DOCK1: variants seen among roughly 807,000 people sequenced by gnomAD.
DOCK1 encodes dedicator of cytokinesis 1.
Under a neutral mutation model 262.7 loss-of-function variants are expected in DOCK1, and 138 were observed. The observed-to-expected ratio is 0.53, with a 90% CI of 0.46 to 0.61. The LOEUF (loss-of-function observed/expected upper bound fraction) is 0.61, where lower values mean the gene tolerates loss of function less well. Among genes scored for constraint, DOCK1 ranks in the 20% least tolerant of loss-of-function variants. The probability of loss-of-function intolerance (pLI) is 0.00; values close to 1 mark genes in which losing one functional copy is unlikely to be tolerated. For missense variants in DOCK1, 1,908 were observed against 2,370.7 expected, an observed-to-expected ratio of 0.80 and a Z score of 4.05; for synonymous variants, 866 against 867.4, an observed-to-expected ratio of 1.00 and a Z score of 0.03.
At chr10:127,000,751 T>C (rs34083662) in intron 10 of DOCK1, 5 of 159,126 alleles carry the variant, frequency 3.1e-5, no homozygotes, top group Admixed American at 6.5e-5. Context: ...TGGTGCTGTT[T>C]CTCCGCCATG....
intron 29 of DOCK1, chr10:127,257,803 G>C (rs1192968813): frequency 6.1e-6 from 1 of 163,702 alleles, no homozygotes; most frequent in African/African-American, 2.4e-5. Flanking sequence ...CTTTTGCAAA[G>C]TGTTGACATT....
intron 10 of DOCK1, among the ~76,000 whole-genome samples, chr10:127,006,362 C>T (rs149107561): frequency 3.2e-4 from 48 of 152,354 alleles, no homozygotes; most frequent in African/African-American, 1.0e-3. Context: ...CAGCATCACG[C>T]GGTGCCGTCT....
chr10:127,258,740 G>A (rs1414152706), intron 29 of DOCK1, among the ~76,000 whole-genome samples: 2 of 152,206 alleles, frequency 1.3e-5, no homozygotes, highest in Non-Finnish European at 2.9e-5. Flanking sequence ...ACCATTTTAC[G>A]TTCCCACCAG....
chr10:127,329,632 C>G (rs750906259), intron 29 of DOCK1, among the ~76,000 whole-genome samples: 4 of 152,052 alleles, frequency 2.6e-5, no homozygotes, highest in Non-Finnish European at 4.4e-5. Context: ...CTCGCGGCCT[C>G]CCCCAGCAGT....
intron 27 of DOCK1, among the ~76,000 whole-genome samples, chr10:127,159,560 T>C (rs1256865496): frequency 1.3e-5 from 2 of 152,180 alleles, no homozygotes; most frequent in Non-Finnish European, 2.9e-5. Flanking sequence ...TAGTGACAAT[T>C]CGGGGCATGC....
At chr10:127,239,961 T>A (rs1221057267) in intron 27 of DOCK1, among the ~76,000 whole-genome samples, 1 of 152,032 alleles carries the variant, frequency 6.6e-6, no homozygotes, top group African/African-American at 2.4e-5. Context: ...AATATGTGTT[T>A]AAATTATTAT....
intron 16 of DOCK1, among the ~76,000 whole-genome samples, chr10:127,028,653 A>G (rs926946618): frequency 1.6e-4 from 25 of 152,198 alleles, no homozygotes; most frequent in African/African-American, 6.0e-4. Flanking sequence ...TGTATACACA[A>G]CAAGCTGCTG....
Position 127,230,129 on chromosome 10 carries a change from T to G in DOCK1, c.2848-17879T>G, listed in dbSNP as rs1273994519. ...AACAGGTCATTTATTTTCTTGCTAT[T>G]AAGTTATCTGAGTTTTTTATATATT... On this transcript the variant is annotated intron_variant, in intron 27 of 51. Transcript: ENST00000623213. Among the ~76,000 whole-genome samples, 4 of 152,312 alleles carry G rather than the reference T, an allele frequency of 2.6e-5. No individual in the cohort carries two copies. In the East Asian group the frequency reaches 7.7e-4, roughly 29 times the overall value.
At position 127,369,549 on chromosome 10, in the gene DOCK1, C is replaced by T. The variant is rs181459316; in HGVS notation, c.3433-4232C>T. ...ATGTTCCCAGAGTCCTCTGGAATTG[C>T]ATGCAGCCCTAAAGTCACTCTTTAA... On this transcript the variant is annotated intron_variant, in intron 33 of 51. Transcript: ENST00000623213. Among the ~76,000 whole-genome samples, 24 of 152,332 alleles carry T rather than the reference C, an allele frequency of 1.6e-4. 1 individual carries two copies. Among genetic ancestry groups the T allele is most frequent in the Non-Finnish European group, 2.6e-4 (18 of 68,030 alleles).
chr10:127,070,882 C>T (rs1165765485), intron 23 of DOCK1, among the ~76,000 whole-genome samples: 3 of 152,100 alleles, frequency 2.0e-5, no homozygotes, highest in African/African-American at 7.2e-5. Context: ...GGCCACGCCT[C>T]GCCTTGCACA....
At chr10:127,078,917 C>T (rs558034656) in intron 23 of DOCK1, among the ~76,000 whole-genome samples, 55 of 152,066 alleles carry the variant, frequency 3.6e-4, no homozygotes, top group Non-Finnish European at 6.8e-4. Context: ...GTGTTGGGAG[C>T]GGTATATTGC....
intron 1 of DOCK1, among the ~76,000 whole-genome samples, chr10:126,959,581 T>A (rs1026135538): frequency 6.6e-6 from 1 of 152,212 alleles, no homozygotes. Context: ...CCAGGCTGCA[T>A]CTTCCCCAGG....
chr10:127,413,142 C>T lies in DOCK1; in HGVS notation c.4429-2010C>T, dbSNP rs895778348. Among the ~76,000 whole-genome samples the T allele has an allele frequency of 3.0e-4, 46 of 152,222 alleles. 3 individuals carry two copies. On this transcript the variant is annotated intron_variant, in intron 43 of 51. Transcript: ENST00000623213. Reference sequence around the variant, plus strand: ...ATAGGCAGTTCTTGAATTTCCCTCACACCTCTCCCATCTGGCAAGTAGATA... The same window carrying T: ...ATAGGCAGTTCTTGAATTTCCCTCATACCTCTCCCATCTGGCAAGTAGATA...
chr10:126,934,838 C>G (rs36160547), intron 1 of DOCK1, among the ~76,000 whole-genome samples: 43,145 of 149,730 alleles, frequency 0.29, 6,409 homozygotes, highest in East Asian at 0.38. Flanking sequence ...AAAACTAGGC[C>G]GGGTGCGGTG....
intron 29 of DOCK1, among the ~76,000 whole-genome samples, chr10:127,317,867 G>C (rs1590414040): frequency 6.6e-6 from 1 of 152,128 alleles, no homozygotes; most frequent in South Asian, 2.1e-4. Context: ...CAAGGTGTTT[G>C]GTTCGCATTC....
chr10:127,189,431 C>T (rs2056555985), intron 27 of DOCK1, among the ~76,000 whole-genome samples: 1 of 152,228 alleles, frequency 6.6e-6, no homozygotes, highest in African/African-American at 2.4e-5. Context: ...CACCTGCTAA[C>T]TTCTGTCATT....
chr10:127,007,693 T>A (rs2041137759), intron 10 of DOCK1: 1 of 152,226 alleles, frequency 6.6e-6, no homozygotes, highest in Non-Finnish European at 1.5e-5. Flanking sequence ...TATTAGCCTT[T>A]CTTGTGATGT....
Position 127,309,789 on chromosome 10 carries a change from A to G in DOCK1, c.3045-29217A>G, listed in dbSNP as rs547150624. Among the ~76,000 whole-genome samples, 409 of 152,156 alleles carry G rather than the reference A, an allele frequency of 2.7e-3. 5 individuals carry two copies. The highest frequency in any genetic ancestry group is 9.1e-3 in the African/African-American group (376 of 41,498). ...CCTGTGGAGGACTTCCTTAATTTTCAGTGGCAATGTTTTTAATCAGTGAGA... is the reference window on the plus strand; with the variant it reads ...CCTGTGGAGGACTTCCTTAATTTTCGGTGGCAATGTTTTTAATCAGTGAGA... On this transcript the variant is annotated intron_variant, in intron 29 of 51. Coordinates refer to ENST00000623213, the MANE Select transcript of DOCK1 (RefSeq NM_001290223.2).
intron 1 of DOCK1, among the ~76,000 whole-genome samples, chr10:126,922,181 G>GT (rs2033263971): frequency 7.3e-6 from 1 of 137,332 alleles, no homozygotes; most frequent in Non-Finnish European, 1.5e-5. Context: ...CTGCATTTCA[G>GT]CCTGGGTGAC....
Sources: gnomAD v4.1 joint callset for allele counts (sites outside exome capture counted in the v4.1 genomes callset) on GRCh38, gnomAD v4.1.1 for gene constraint, MANE v1.5 for transcripts, NCBI Gene and HGNC (gene_info 2026-07-23, HGNC 2026-07-21) for gene names.